AHCYL2: variants seen among roughly 807,000 people sequenced by gnomAD.
AHCYL2 encodes S-adenosylhomocysteine hydrolase-like protein 2.
AHCYL2 carries 28 observed loss-of-function variants against 81.4 expected under a neutral mutation model. The observed-to-expected ratio is 0.34, with a 90% confidence interval of 0.25 to 0.47. The LOEUF is 0.47. AHCYL2 is among the 20% of genes least tolerant of loss of function. AHCYL2 has a pLI of 1.00. For missense variants in AHCYL2, 551 were observed against 785.1 expected (o/e 0.70, Z 3.56); for synonymous variants, 272 against 290.2 (o/e 0.94, Z 0.64).
At chr7:129,321,258 G>T (rs1048870613) in intron 1 of AHCYL2, among the ~76,000 whole-genome samples, 36 of 152,132 alleles carry the variant, frequency 2.4e-4, no homozygotes, top group Non-Finnish European at 1.5e-4. Flanking sequence ...TAAGAAGAAA[G>T]CATTCAGTTT....
intron 5 of AHCYL2, among the ~76,000 whole-genome samples, chr7:129,398,403 AAG>A (rs1795850741): frequency 6.8e-6 from 1 of 147,122 alleles, no homozygotes; most frequent in Admixed American, 6.8e-5. Flanking sequence ...TTTTGAGATG[AAG>A]TCTCACTCTG....
chr7:129,426,948 C>T lies in AHCYL2; in HGVS notation c.1830-91C>T. On this transcript the variant is annotated intron_variant, in intron 16 of 16. Coordinates refer to ENST00000325006, the MANE Select transcript of AHCYL2 (RefSeq NM_015328.4). This position sits in a 1 kb window ranked among gnomAD's most constrained non-coding sequence, Gnocchi z 4.3. ...ACTGTACACTCCAGAAAAGTCTCTG[C>T]CTCCCTGTTACACCTTTAGGCAGGC... 7.4e-7 allele frequency: 1 copy of T among 1,349,988 alleles called. No homozygotes were observed. Among genetic ancestry groups the T allele is most frequent in the African/African-American group, 1.5e-5 (1 of 68,576 alleles). The allele number at this position is 1,349,988 out of a possible 1,614,324, so 83.6% of individuals were successfully genotyped here. A position where few individuals can be genotyped will look rare whatever the true frequency, so the allele number is the denominator to read the frequency against.
intron 1 of AHCYL2, among the ~76,000 whole-genome samples, chr7:129,279,046 C>T (rs572883028): frequency 1.1e-3 from 160 of 152,220 alleles, no homozygotes; most frequent in South Asian, 1.9e-3. Flanking sequence ...GACTCTTCTG[C>T]GCCCTTTACA....
rs80047239 is a variant in AHCYL2, at chr7:129,330,520, G to C, written c.364-49118G>C. On this transcript the variant is annotated intron_variant, in intron 1 of 16. Transcript: ENST00000325006. ...GAGTCTCACTCTGTCGTCCAGGCTG[G>C]AGTGCAGTGTCGCCATCCCAGCTCA... Among the ~76,000 whole-genome samples, 496 of 150,180 alleles carry C rather than the reference G, an allele frequency of 3.3e-3. 1 individual carries two copies. Among genetic ancestry groups the C allele is most frequent in the African/African-American group, 0.012 (479 of 40,714 alleles).
intron 1 of AHCYL2, among the ~76,000 whole-genome samples, chr7:129,277,190 C>T (rs1034610492): frequency 3.3e-5 from 5 of 151,702 alleles, no homozygotes; most frequent in Admixed American, 3.3e-4. Flanking sequence ...AAGGTTACAA[C>T]TTGGAAAGTT....
At position 129,255,511 on chromosome 7, in the gene AHCYL2, G is replaced by A. The variant is rs184828883; in HGVS notation, c.363+30072G>A. Among the ~76,000 whole-genome samples the A allele has an allele frequency of 6.2e-4, 94 of 152,258 alleles. 1 individual carries two copies. Among genetic ancestry groups the A allele is most frequent in the Admixed American group, 4.3e-3 (65 of 15,294 alleles). On this transcript the variant is annotated intron_variant, in intron 1 of 16. Transcript: ENST00000325006. ...AACTATCTATTGGACAGTGTGGGTC[G>A]AAAGTAATTAAAAATAAATTTTGAA...
At chr7:129,306,886 T>C (rs573581668) in intron 1 of AHCYL2, among the ~76,000 whole-genome samples, 1 of 152,322 alleles carries the variant, frequency 6.6e-6, no homozygotes, top group African/African-American at 2.4e-5. Context: ...TTGGGTAAGA[T>C]CCAGATGAAT....
intron 1 of AHCYL2, among the ~76,000 whole-genome samples, chr7:129,289,965 A>G (rs1796777378): frequency 6.6e-6 from 1 of 151,882 alleles, no homozygotes; most frequent in Non-Finnish European, 1.5e-5. Context: ...TATTTTTAGT[A>G]GAGATGGGGT....
chr7:129,413,850 A>G (rs567766651), intron 12 of AHCYL2, among the ~76,000 whole-genome samples, 162 bp downstream of exon 12: 1 of 152,182 alleles, frequency 6.6e-6, no homozygotes, highest in Non-Finnish European at 1.5e-5. Flanking sequence ...GTTTTTGGAG[A>G]CTATAAAGTT....
chr7:129,323,236 A>G (rs1048674063), intron 1 of AHCYL2, among the ~76,000 whole-genome samples: 2 of 152,242 alleles, frequency 1.3e-5, no homozygotes, highest in Admixed American at 6.5e-5. Flanking sequence ...ATTTCCCTCT[A>G]AGTGCTGCTT....
At chr7:129,349,468 CA>C (rs56205996) in intron 1 of AHCYL2, among the ~76,000 whole-genome samples, 1,531 of 98,460 alleles carry the variant, frequency 0.016, 24 homozygotes, top group African/African-American at 0.055. Context: ...CCATCTCTAC[CA>C]AAAAAAAAAA....
intron 1 of AHCYL2, among the ~76,000 whole-genome samples, chr7:129,277,571 C>T (rs113410642): frequency 6.6e-6 from 1 of 152,202 alleles, no homozygotes; most frequent in South Asian, 2.1e-4. Context: ...TGAGCCACTG[C>T]GCCTGGCCTC....
rs548476992 is a variant in AHCYL2 at position 129,419,423 on chromosome 7, G to A, written c.1462-3417G>A. Among the ~76,000 whole-genome samples the A allele has an allele frequency of 1.1e-4, 17 of 152,230 alleles. No homozygotes were observed. In the South Asian group the frequency reaches 3.3e-3, roughly 30 times the overall value. On this transcript the variant is annotated intron_variant, in intron 12 of 16. Transcript: ENST00000325006. The surrounding 1 kb of genome is among the most constrained non-coding windows in gnomAD (Gnocchi z 4.7). ...ACAAAAATTAGCTGGGCATGGTGGC[G>A]TGTGCCTGTAATCCCAGCTACTCAG...
chr7:129,411,070 CTT>C (rs781764144), intron 11 of AHCYL2, among the ~76,000 whole-genome samples: 2 of 144,030 alleles, frequency 1.4e-5, no homozygotes, highest in African/African-American at 2.5e-5. Flanking sequence ...CAGCCTGGAC[CTT>C]TTTTTTTTTT....
chr7:129,241,087 C>G (rs1031818432), intron 1 of AHCYL2, among the ~76,000 whole-genome samples: 1 of 152,056 alleles, frequency 6.6e-6, no homozygotes, highest in Admixed American at 6.5e-5. Context: ...TCTTGTGACT[C>G]GGGCAGCATC....
At chr7:129,363,099 T>C (rs541596494) in intron 1 of AHCYL2, among the ~76,000 whole-genome samples, 1 of 152,320 alleles carries the variant, frequency 6.6e-6, no homozygotes, top group Non-Finnish European at 1.5e-5. Context: ...GTTAAGATTC[T>C]TCTAAGCTAT....
rs74841788 is a variant in AHCYL2, at chr7:129,282,366, C to T, written c.363+56927C>T. 1.3e-3 allele frequency among the ~76,000 whole-genome samples: 199 copies of T among 152,200 alleles called. 2 individuals carry two copies. The East Asian group carries it at 0.019, about 15-fold the overall frequency. On this transcript the variant is annotated intron_variant, in intron 1 of 16. Transcript: ENST00000325006. ...GAACTCTAGTTACATGTATATTAAA[C>T]TGCTTAAAGTGTTCCCAGAATTCAC...
intron 1 of AHCYL2, among the ~76,000 whole-genome samples, chr7:129,372,871 A>G (rs1023831625): frequency 6.6e-6 from 1 of 152,198 alleles, no homozygotes; most frequent in African/African-American, 2.4e-5. Context: ...TGACCTTTCA[A>G]ATAACCTTTA....
chr7:129,422,632 T>C (rs956406631), intron 12 of AHCYL2, among the ~76,000 whole-genome samples: 1 of 152,182 alleles, frequency 6.6e-6, no homozygotes, highest in Non-Finnish European at 1.5e-5. Context: ...TGTTGTGGAA[T>C]GACATCCTGA....
Sources: allele counts gnomAD v4.1 joint callset (sites outside exome capture counted in the v4.1 genomes callset), GRCh38; gene constraint gnomAD v4.1.1; non-coding constraint Gnocchi (gnomAD v3.1); transcripts MANE v1.5; gene names NCBI Gene and HGNC (gene_info 2026-07-23, HGNC 2026-07-21).